CECR2: variants seen among roughly 807,000 people sequenced by gnomAD.
CECR2 encodes the protein chromatin remodeling regulator CECR2.
Under a neutral mutation model 154.5 loss-of-function variants are expected in CECR2, and 30 were observed. That is an observed-to-expected ratio of 0.19 (90% CI 0.15 to 0.26). The LOEUF (loss-of-function observed/expected upper bound fraction) is 0.26. Ranked by LOEUF, CECR2 falls within the 10% of genes least tolerant of loss-of-function variation. The pLI is 1.00. For missense variants in CECR2, 1,743 were observed against 1,829.3 expected (o/e 0.95, Z 0.86); for synonymous variants, 725 against 683.7 (o/e 1.06, Z -0.94).
intron 1 of CECR2, among the ~76,000 whole-genome samples, chr22:17,414,743 C>T (rs2054131608): frequency 6.6e-6 from 1 of 151,820 alleles, no homozygotes. Flanking sequence ...CATTTCCCAC[C>T]TGTGCTCACT....
intron 1 of CECR2, among the ~76,000 whole-genome samples, chr22:17,454,595 A>T (rs1569092979): frequency 7.3e-6 from 1 of 137,020 alleles, no homozygotes; most frequent in South Asian, 2.4e-4. Flanking sequence ...ACACAGCGAG[A>T]CTCCGTCTCA....
chr22:17,461,095 C>G (rs576225018), intron 1 of CECR2, among the ~76,000 whole-genome samples: 12 of 152,312 alleles, frequency 7.9e-5, no homozygotes, highest in East Asian at 1.9e-4. Flanking sequence ...TGGGTTTCCC[C>G]GGTCGTGCTG....
chr22:17,463,956 G>A (rs540471655), intron 1 of CECR2, among the ~76,000 whole-genome samples: 6 of 152,224 alleles, frequency 3.9e-5, no homozygotes, highest in South Asian at 4.1e-4. Context: ...GTGCGGTGGT[G>A]GGTGGGTGTG....
chr22:17,533,353 G>C (rs1166310576), intron 9 of CECR2, among the ~76,000 whole-genome samples: 1 of 151,480 alleles, frequency 6.6e-6, no homozygotes, highest in East Asian at 2.0e-4. Context: ...ATGATAGCTG[G>C]GCACAGTGGC....
At position 17,409,761 on chromosome 22, in the gene CECR2, G is replaced by A. The variant is rs985473939; in HGVS notation, c.126+39852G>A. ...AAGAATGTGAGTTATATCAGAGCAG[G>A]GATCTTCTCTATCCTATGCATTCTT... On this transcript the variant is annotated intron_variant, in intron 1 of 18. Coordinates refer to ENST00000262608, the MANE Select transcript of CECR2 (RefSeq NM_001290047.2). Among the ~76,000 whole-genome samples, 7 of 110,390 alleles carry A rather than the reference G, an allele frequency of 6.3e-5. 2 individuals carry two copies. Among genetic ancestry groups the A allele is most frequent in the African/African-American group, 2.1e-4 (7 of 33,122 alleles). The allele number at this position is 110,390 out of a possible 152,430, so 72.4% of individuals were successfully genotyped here.
chr22:17,456,927 TAAGGG>T (rs2054862743), intron 1 of CECR2, among the ~76,000 whole-genome samples: 4 of 152,252 alleles, frequency 2.6e-5, no homozygotes, highest in Non-Finnish European at 5.9e-5. Context: ...ACATTTAGAA[TAAGGG>T]TAGAGTTTCA....
intron 9 of CECR2, 79 bp from the exon 10 acceptor site, chr22:17,537,024 T>C: frequency 6.5e-7 from 1 of 1,534,440 alleles, no homozygotes; most frequent in Non-Finnish European, 8.8e-7. Context: ...GGTTCTTCCT[T>C]CTCTCACAGT....
At chr22:17,414,588 C>T (rs1027023868) in intron 1 of CECR2, among the ~76,000 whole-genome samples, 1 of 150,058 alleles carries the variant, frequency 6.7e-6, no homozygotes, top group Non-Finnish European at 1.5e-5. Context: ...CATATGTATA[C>T]GTGTGCCATG....
intron 1 of CECR2, among the ~76,000 whole-genome samples, chr22:17,390,730 G>T (rs1489720716): frequency 6.6e-6 from 1 of 152,168 alleles, no homozygotes; most frequent in East Asian, 1.9e-4. Flanking sequence ...CAACCTCGCC[G>T]GTCCCAAAGT....
At chr22:17,430,399 C>T (rs954185371) in intron 1 of CECR2, among the ~76,000 whole-genome samples, 1 of 152,186 alleles carries the variant, frequency 6.6e-6, no homozygotes, top group African/African-American at 2.4e-5. Context: ...CCATCTGGCA[C>T]ACTTATTCTA....
intron 1 of CECR2, among the ~76,000 whole-genome samples, chr22:17,406,328 C>G (rs2053982992): frequency 6.6e-6 from 1 of 152,058 alleles, no homozygotes; most frequent in Non-Finnish European, 1.5e-5. Flanking sequence ...CGAGACCAGC[C>G]TGGCCAACAT....
chr22:17,398,971 A>G (rs1340461147), intron 1 of CECR2, among the ~76,000 whole-genome samples: 2 of 152,236 alleles, frequency 1.3e-5, no homozygotes, highest in Admixed American at 6.5e-5. Context: ...TCCTCAGACC[A>G]GCATGGTGAG....
chr22:17,407,463 C>T (rs770761606), intron 1 of CECR2, among the ~76,000 whole-genome samples: 1 of 151,990 alleles, frequency 6.6e-6, no homozygotes, highest in African/African-American at 2.4e-5. Context: ...GGCACGGTGG[C>T]GGGCGCGTGT....
intron 1 of CECR2, among the ~76,000 whole-genome samples, chr22:17,471,377 T>C (rs2055124183): frequency 6.6e-6 from 1 of 152,122 alleles, no homozygotes; most frequent in Non-Finnish European, 1.5e-5. Context: ...CCTAGGAAAT[T>C]GTGTTAGGTA....
intron 17 of CECR2, 80 bp from the exon 18 acceptor site, chr22:17,551,951 C>T (rs1322990525): frequency 2.2e-6 from 3 of 1,340,708 alleles, no homozygotes; most frequent in Non-Finnish European, 3.2e-6. Context: ...AGGCAGTACC[C>T]TCGTGACTAC....
chr22:17,413,521 G>A (rs924164095), intron 1 of CECR2, among the ~76,000 whole-genome samples: 3 of 152,018 alleles, frequency 2.0e-5, no homozygotes, highest in Non-Finnish European at 4.4e-5. Context: ...GGGAAAATAG[G>A]TAGAGTCCTT....
chr22:17,526,266 G>A (rs2056262980), intron 9 of CECR2, among the ~76,000 whole-genome samples: 1 of 152,088 alleles, frequency 6.6e-6, no homozygotes, highest in Admixed American at 6.6e-5. Flanking sequence ...TCAGACCTGT[G>A]GGGACCAAAA....
intron 3 of CECR2, among the ~76,000 whole-genome samples, chr22:17,498,839 C>CT (rs962110366): frequency 6.6e-6 from 1 of 152,122 alleles, no homozygotes; most frequent in African/African-American, 2.4e-5. Context: ...TGGATTCTCT[C>CT]TTTTTTGAAA....
Position 17,477,259 on chromosome 22 carries a change from G to C in CECR2, c.127-329G>C. 2 of 638,432 alleles carry C rather than the reference G, an allele frequency of 3.1e-6. 1 individual carries two copies. The highest frequency in any genetic ancestry group is 3.6e-5 in the South Asian group (2 of 55,000). 39.5% of individuals were successfully genotyped at this position (638,432 alleles called of 1,614,324 possible). On this transcript the variant is annotated intron_variant, in intron 1 of 18. Coordinates refer to ENST00000262608, the MANE Select transcript of CECR2 (RefSeq NM_001290047.2). ...GTACAGCACATTTGTATTTATACTCGATTATATATAATCAAAGAGTTAAGC... is the reference window on the plus strand; with the variant it reads ...GTACAGCACATTTGTATTTATACTCCATTATATATAATCAAAGAGTTAAGC...
Sources: allele counts gnomAD v4.1 joint callset (sites outside exome capture counted in the v4.1 genomes callset), GRCh38; gene constraint gnomAD v4.1.1; transcripts MANE v1.5; gene names NCBI Gene and HGNC (gene_info 2026-07-23, HGNC 2026-07-21).